Variants in SNTB1 observed in about 807,000 individuals in gnomAD.
SNTB1 encodes the protein beta-1-syntrophin.
A neutral mutation model predicts 48.9 loss-of-function variants in SNTB1; 36 were observed. That is an observed-to-expected ratio of 0.74 (90% CI 0.56 to 0.97). The LOEUF (loss-of-function observed/expected upper bound fraction) is 0.97, where lower values mean the gene tolerates loss of function less well. Ranked by LOEUF, SNTB1 falls within the 50% of genes least tolerant of loss-of-function variation. The pLI, the probability that SNTB1 is intolerant of heterozygous loss-of-function variation, is 0.00. For synonymous variants in SNTB1, 299 were observed against 294.6 expected, an observed-to-expected ratio of 1.01 and a Z score of -0.15; for missense variants, 786 against 703.4, an observed-to-expected ratio of 1.12 and a Z score of -1.33.
rs141448132 is a variant in SNTB1, at chr8:120,676,602, CAGTT to C, written c.788+17086_788+17089del. ...CATTTAGCTAAATGCTGGTATATAG[CAGTT>C]AGTTTTCTCTTCCACAGCTGAAAAA... On this transcript the variant is annotated intron_variant, in intron 2 of 6. Transcript: ENST00000517992. Among the ~76,000 whole-genome samples the C allele has an allele frequency of 3.2e-3, 487 of 152,232 alleles. 3 individuals are homozygous for C. The highest frequency in any genetic ancestry group is 0.011 in the African/African-American group (463 of 41,540).
intron 1 of SNTB1, among the ~76,000 whole-genome samples, chr8:120,798,606 A>C (rs1470312701): frequency 6.6e-6 from 1 of 152,006 alleles, no homozygotes; most frequent in African/African-American, 2.4e-5. Context: ...TACATAATCT[A>C]CTCACAGGAA....
chr8:120,540,133 C>T lies in SNTB1; in HGVS notation c.1525-1164G>A, dbSNP rs190274454. Reference sequence around the variant, plus strand: ...ATGGGGAGACTGAGATAGAAAGAAACGAAAGGACTTCCCCAACAGAGTTGG... The same window carrying T: ...ATGGGGAGACTGAGATAGAAAGAAATGAAAGGACTTCCCCAACAGAGTTGG... On this transcript the variant is annotated intron_variant, in intron 6 of 6. Transcript: ENST00000517992. Among the ~76,000 whole-genome samples the T allele has an allele frequency of 4.6e-5, 7 of 152,196 alleles. No individual in the cohort carries two copies. In the East Asian group the frequency reaches 7.7e-4, roughly 17 times the overall value.
Position 120,614,753 on chromosome 8 carries a change from T to A in SNTB1, c.996+17691A>T, listed in dbSNP as rs556578842. Among the ~76,000 whole-genome samples the A allele has an allele frequency of 4.6e-5, 7 of 151,482 alleles. No homozygotes were observed. In the South Asian group the frequency reaches 1.3e-3, roughly 27 times the overall value. On this transcript the variant is annotated intron_variant, in intron 3 of 6. Coordinates refer to ENST00000517992, the MANE Select transcript of SNTB1 (RefSeq NM_021021.4). ...AAAGCACCTCTCTGAGGTGGAGGGA[T>A]TTTTTTTTAATTTGAGAGGAGAGAT...
intron 1 of SNTB1, among the ~76,000 whole-genome samples, chr8:120,783,082 A>C (rs1819856842): frequency 2.0e-5 from 3 of 152,198 alleles, no homozygotes; most frequent in Admixed American, 2.0e-4. Context: ...TGTTTATCTA[A>C]CTTGGCTTAA....
chr8:120,779,199 G>T (rs995691970), intron 1 of SNTB1, among the ~76,000 whole-genome samples: 1 of 152,102 alleles, frequency 6.6e-6, no homozygotes, highest in Non-Finnish European at 1.5e-5. Context: ...AAGTAAAATA[G>T]CTCTGGCCAA....
chr8:120,762,227 G>A (rs1408281392), intron 1 of SNTB1, among the ~76,000 whole-genome samples: 3 of 152,176 alleles, frequency 2.0e-5, no homozygotes, highest in African/African-American at 7.2e-5. Flanking sequence ...CGGGGCATGA[G>A]ACACACCAGC....
At chr8:120,562,324 A>C (rs1815673768) in intron 4 of SNTB1, among the ~76,000 whole-genome samples, 1 of 152,164 alleles carries the variant, frequency 6.6e-6, no homozygotes, top group Admixed American at 6.5e-5. Flanking sequence ...ATTTTGCCCA[A>C]GAGCGCATTG....
chr8:120,674,451 T>C (rs7828909), intron 2 of SNTB1, among the ~76,000 whole-genome samples: 83,318 of 152,052 alleles, frequency 0.55, 25,399 homozygotes, highest in African/African-American at 0.84. Context: ...AAAGAAAAGA[T>C]AAAATGAAAT....
intron 1 of SNTB1, among the ~76,000 whole-genome samples, chr8:120,798,871 G>C (rs1217837146): frequency 6.6e-6 from 1 of 152,024 alleles, no homozygotes; most frequent in Admixed American, 6.6e-5. Context: ...ATGTGATTAT[G>C]ATGAAGCCTA....
At chr8:120,572,182 C>T (rs1232086024) in intron 4 of SNTB1, among the ~76,000 whole-genome samples, 2 of 152,186 alleles carry the variant, frequency 1.3e-5, no homozygotes, top group East Asian at 1.9e-4. Context: ...TGTTTGGCAG[C>T]TCAGTCCTTC....
intron 1 of SNTB1, among the ~76,000 whole-genome samples, chr8:120,703,284 C>G (rs1818334060): frequency 6.6e-6 from 1 of 152,192 alleles, no homozygotes; most frequent in Non-Finnish European, 1.5e-5. Context: ...AGCACCACAC[C>G]TGGCTGATTT....
intron 1 of SNTB1, among the ~76,000 whole-genome samples, chr8:120,739,620 A>G (rs1190516707): frequency 6.6e-6 from 1 of 152,190 alleles, no homozygotes; most frequent in Admixed American, 6.5e-5. Flanking sequence ...GAAGAAGAAA[A>G]ATAAGACAAG....
intron 3 of SNTB1, among the ~76,000 whole-genome samples, chr8:120,587,348 T>C (rs1816164965): frequency 6.6e-6 from 1 of 152,236 alleles, no homozygotes; most frequent in Admixed American, 6.5e-5. Context: ...TTCAAAGTTA[T>C]TGAGGCACAG....
intron 1 of SNTB1, among the ~76,000 whole-genome samples, chr8:120,772,056 G>A (rs978832572): frequency 2.0e-5 from 3 of 152,024 alleles, no homozygotes; most frequent in Admixed American, 2.0e-4. Context: ...TTTTAGTAGA[G>A]ACAAGGTTTC....
intron 2 of SNTB1, among the ~76,000 whole-genome samples, chr8:120,692,625 G>A (rs1031509467): frequency 2.6e-5 from 4 of 152,040 alleles, no homozygotes; most frequent in East Asian, 1.9e-4. Context: ...AGCCTGTGGC[G>A]TGCAAAGTCA....
intron 1 of SNTB1, among the ~76,000 whole-genome samples, chr8:120,755,246 A>C (rs1819299041): frequency 6.6e-6 from 1 of 152,166 alleles, no homozygotes; most frequent in Middle Eastern, 3.4e-3. Context: ...TATAAAAAGA[A>C]AAGGTAGGAC....
intron 4 of SNTB1, among the ~76,000 whole-genome samples, chr8:120,574,496 T>C (rs567797773): frequency 6.6e-6 from 1 of 152,214 alleles, no homozygotes; most frequent in Admixed American, 6.5e-5. Context: ...ATTGTATACA[T>C]TAAATATGTA....
intron 2 of SNTB1, among the ~76,000 whole-genome samples, chr8:120,670,483 G>A (rs73319284): frequency 6.6e-6 from 1 of 152,320 alleles, no homozygotes; most frequent in African/African-American, 2.4e-5. Flanking sequence ...GAGGACTGAA[G>A]GATGACCACA....
At chr8:120,729,996 C>T (rs1818824725) in intron 1 of SNTB1, among the ~76,000 whole-genome samples, 1 of 152,240 alleles carries the variant, frequency 6.6e-6, no homozygotes, top group South Asian at 2.1e-4. Context: ...TTGTCTCACT[C>T]AACATACAAC....
Sources: gnomAD v4.1 joint callset for allele counts (sites outside exome capture counted in the v4.1 genomes callset) on GRCh38, gnomAD v4.1.1 for gene constraint, MANE v1.5 for transcripts, NCBI Gene and HGNC (gene_info 2026-07-23, HGNC 2026-07-21) for gene names.